Variants in DNAH6 observed in about 807,000 individuals in gnomAD.
DNAH6 encodes axonemal beta dynein heavy chain 6.
DNAH6 carries 340 observed loss-of-function variants against 491.4 expected under a neutral mutation model. The observed-to-expected ratio is 0.69, with a 90% CI of 0.63 to 0.76. DNAH6 has a LOEUF of 0.76. DNAH6 is among the 30% of genes least tolerant of loss of function. DNAH6 has a pLI of 0.00. For missense variants in DNAH6, 4,443 were observed against 4,972.2 expected (o/e 0.89, Z 3.20); for synonymous variants, 1,603 against 1,686.1 (o/e 0.95, Z 1.21).
At chr2:84,516,112 T>C, upstream of DNAH6, among the ~76,000 whole-genome samples, 1 of 152,224 alleles carries the variant, frequency 6.6e-6, no homozygotes, top group East Asian at 1.9e-4. Context: ...TTCTCGACTC[T>C]TTCGGATAAA....
At chr2:84,570,633 C>G (rs1304553140) in intron 11 of DNAH6, among the ~76,000 whole-genome samples, 1 of 152,144 alleles carries the variant, frequency 6.6e-6, no homozygotes, top group Non-Finnish European at 1.5e-5. Flanking sequence ...CTGTCTCTAG[C>G]TAAAGGATTG....
chr2:84,707,209 G>A (rs1696551973), intron 53 of DNAH6, among the ~76,000 whole-genome samples, 190 bp downstream of exon 53: 1 of 152,188 alleles, frequency 6.6e-6, no homozygotes. Context: ...CCTTACTGGA[G>A]CATGTTACGT....
chr2:84,818,625 G>C (rs951643391), intron 76 of DNAH6, among the ~76,000 whole-genome samples: 6 of 151,098 alleles, frequency 4.0e-5, no homozygotes, highest in Non-Finnish European at 8.8e-5. Flanking sequence ...ATAAAATCCA[G>C]ATTCTGGGAA....
At chr2:84,797,884 C>T (rs1678497522) in intron 70 of DNAH6, among the ~76,000 whole-genome samples, 1 of 152,164 alleles carries the variant, frequency 6.6e-6, no homozygotes, top group African/African-American at 2.4e-5. Flanking sequence ...GGCCAAGCCC[C>T]TACATCTCCA....
At chr2:84,467,537 T>TG in the DNAH6 span, among the ~76,000 whole-genome samples, 1 of 152,064 alleles carries the variant, frequency 6.6e-6, no homozygotes. Context: ...GGCCGTACCT[T>TG]ACTTAAGCAA....
At chr2:84,567,600 G>A (rs1029631210) in intron 11 of DNAH6, among the ~76,000 whole-genome samples, 1 of 152,190 alleles carries the variant, frequency 6.6e-6, no homozygotes, top group Admixed American at 6.6e-5. Context: ...GCCATATGCA[G>A]AAAATTGAGA....
In DNAH6 at chr2:84,557,732, C is replaced by T; in HGVS notation, c.1603-3C>T. 1 of 1,384,546 alleles carries T rather than the reference C, an allele frequency of 7.2e-7. No homozygotes were observed. Among genetic ancestry groups the T allele is most frequent in the East Asian group, 3.3e-5 (1 of 30,636 alleles). 85.8% of individuals were successfully genotyped at this position (1,384,546 alleles called of 1,614,324 possible). A position where few individuals can be genotyped will look rare whatever the true frequency, so the allele number is the denominator to read the frequency against. ...TTTATGTTTATGCTTTTCTCTTTAACAGGATGGTATTTTGGGTGCAGTTAA... is the reference window on the plus strand; with the variant it reads ...TTTATGTTTATGCTTTTCTCTTTAATAGGATGGTATTTTGGGTGCAGTTAA... On this transcript the variant is annotated splice_region_variant and splice_polypyrimidine_tract_variant and intron_variant, in intron 10 of 76. Coordinates refer to ENST00000389394, the MANE Select transcript of DNAH6 (RefSeq NM_001370.2).
chr2:84,574,616 A>G (rs1682243993), intron 12 of DNAH6, among the ~76,000 whole-genome samples: 1 of 152,202 alleles, frequency 6.6e-6, no homozygotes, highest in South Asian at 2.1e-4. Context: ...TTAGAAAACA[A>G]AATTTAGACA....
chr2:84,607,045 A>G lies in DNAH6; in HGVS notation c.3244A>G (p.Thr1082Ala). 1.3e-6 allele frequency: 2 copies of G among 1,551,316 alleles called. No individual in the cohort carries two copies. Among genetic ancestry groups the G allele is most frequent in the South Asian group, 2.4e-5 (2 of 84,034 alleles). ...ATCACGTTACCTTGGTCCACTGAAAACTCGAGTGGATGAATGGCAAAAACA... is the reference window on the plus strand; with the variant it reads ...ATCACGTTACCTTGGTCCACTGAAAGCTCGAGTGGATGAATGGCAAAAACA... Reference protein sequence around the residue: ...ASSRYLGPLKTRVDEWQKQLA... With the variant: ...ASSRYLGPLKARVDEWQKQLA... Residue 1082 changes from threonine to alanine, a missense_variant, in exon 21 of 77, where the codon ACT becomes GCT. Transcript: ENST00000389394.
At chr2:84,543,154 C>A (rs10199340) in intron 4 of DNAH6, among the ~76,000 whole-genome samples, 140,159 of 152,180 alleles carry the variant, frequency 0.92, 64,765 homozygotes, top group East Asian at 1. Context: ...GCGAGACTCC[C>A]TCTCAAAGAT....
intron 2 of DNAH6, among the ~76,000 whole-genome samples, chr2:84,521,604 G>T (rs147144163): frequency 1.8e-3 from 276 of 151,854 alleles, no homozygotes; most frequent in African/African-American, 6.5e-3. Context: ...TTATAGTTTG[G>T]GGTTTTACAT....
chr2:84,718,083 G>A, intron 58 of DNAH6, 121 bp from the exon 59 acceptor site: 1 of 788,010 alleles, frequency 1.3e-6, no homozygotes, highest in Non-Finnish European at 1.9e-6. Flanking sequence ...ATGGCCATCA[G>A]CATTAATGCT....
At chr2:84,781,158 T>C (rs920807038) in intron 64 of DNAH6, among the ~76,000 whole-genome samples, 28 of 152,184 alleles carry the variant, frequency 1.8e-4, no homozygotes, top group African/African-American at 2.4e-5. Context: ...GGATAATGAT[T>C]ACCTGTGGGA....
rs150818866 is a variant in DNAH6 at position 84,792,849 on chromosome 2, T to C, written c.11240-3457T>C. ...GAACATGGAGATATAGCAATACCCA[T>C]GGGAAAACCAGACAGGAGAGAATAA... On this transcript the variant is annotated intron_variant, in intron 68 of 76. Transcript: ENST00000389394. Among the ~76,000 whole-genome samples the C allele has an allele frequency of 2.9e-3, 440 of 152,310 alleles. 1 individual carries two copies. Among genetic ancestry groups the C allele is most frequent in the African/African-American group, 9.7e-3 (403 of 41,566 alleles).
In DNAH6 at chr2:84,563,793, A is replaced by G. The variant is rs571654841; in HGVS notation, c.1803+5858A>G. On this transcript the variant is annotated intron_variant, in intron 11 of 76. Transcript: ENST00000389394. Reference sequence around the variant, plus strand: ...GCCTGTGTCGAAAAGGTTATTTTCTAGGTTTTCTTGTTTTCTAGGAATTTT... The same window carrying G: ...GCCTGTGTCGAAAAGGTTATTTTCTGGGTTTTCTTGTTTTCTAGGAATTTT... 7.2e-5 allele frequency among the ~76,000 whole-genome samples: 11 copies of G among 152,236 alleles called. No homozygotes were observed. The South Asian group carries it at 2.3e-3, about 32-fold the overall frequency.
chr2:84,465,073 CTG>C, the DNAH6 span, among the ~76,000 whole-genome samples: 1 of 152,158 alleles, frequency 6.6e-6, no homozygotes, highest in Admixed American at 6.5e-5. Context: ...TCCTGCCTAA[CTG>C]TGAGGGTCTC....
intron 68 of DNAH6, among the ~76,000 whole-genome samples, chr2:84,792,584 A>G (rs1038593252): frequency 2.0e-5 from 3 of 152,196 alleles, no homozygotes; most frequent in Non-Finnish European, 4.4e-5. Flanking sequence ...CCAAGAGTGT[A>G]TGGGACATGG....
At chr2:84,784,528 C>T (rs766670599) in intron 65 of DNAH6, among the ~76,000 whole-genome samples, 194 bp from the exon 66 acceptor site, 2 of 152,170 alleles carry the variant, frequency 1.3e-5, no homozygotes, top group African/African-American at 2.4e-5. Context: ...ACCTTCCTAA[C>T]GTGAAGTTTC....
intron 22 of DNAH6, among the ~76,000 whole-genome samples, chr2:84,615,191 G>A (rs189043414): frequency 6.6e-6 from 1 of 151,982 alleles, no homozygotes. Context: ...TTAAGTCTTT[G>A]ATCTATCTTG....
Sources: allele counts gnomAD v4.1 joint callset (sites outside exome capture counted in the v4.1 genomes callset), GRCh38; gene constraint gnomAD v4.1.1; transcripts MANE v1.5; gene names NCBI Gene and HGNC (gene_info 2026-07-23, HGNC 2026-07-21).